The following KDM2B variants were observed in gnomAD, a reference collection of about 807,000 sequenced individuals.
KDM2B encodes lysine demethylase 2B.
Under a neutral mutation model 150.0 loss-of-function variants are expected in KDM2B, and 26 were observed. The observed-to-expected ratio is 0.17, with a 90% CI of 0.13 to 0.24. The LOEUF is 0.24. Among genes scored for constraint, KDM2B ranks in the 10% least tolerant of loss-of-function variants. KDM2B has a pLI of 1.00. For missense variants in KDM2B, 1,265 were observed against 1,816.9 expected (o/e 0.70, Z 5.52); for synonymous variants, 734 against 729.5 (o/e 1.01, Z -0.10).
chr12:121,475,182 C>CTGTGTGTGTGTGTGTGTGTGTGTGTGTG (rs60083867), intron 12 of KDM2B, among the ~76,000 whole-genome samples: 1 of 139,664 alleles, frequency 7.2e-6, no homozygotes, highest in Admixed American at 7.2e-5. Context: ...ACACATGACT[C>CTGTGTGTGTGTGTGTGTGTGTGTGTGTG]TGTGTGTGTG....
In KDM2B at chr12:121,537,052, G is replaced by A. The variant is rs1228188882; in HGVS notation, c.684-2462C>T. Among the ~76,000 whole-genome samples the A allele has an allele frequency of 2.0e-5, 3 of 152,130 alleles. No individual in the cohort carries two copies. Among genetic ancestry groups the A allele is most frequent in the Non-Finnish European group, 4.4e-5 (3 of 67,998 alleles). Reference sequence around the variant, plus strand: ...TCCAGCATCCAGAGGCCCCTCGGGGGGCTGGGGCCGCCTCTTCCAGACCTG... The same window carrying A: ...TCCAGCATCCAGAGGCCCCTCGGGGAGCTGGGGCCGCCTCTTCCAGACCTG... On this transcript the variant is annotated intron_variant, in intron 6 of 22. Coordinates refer to ENST00000377071, the MANE Select transcript of KDM2B (RefSeq NM_032590.5). The surrounding 1 kb of genome is among the most constrained non-coding windows in gnomAD (Gnocchi z 8.7).
In KDM2B at chr12:121,467,639, G is replaced by C. The variant is rs1409978447; in HGVS notation, c.1735-14295C>G. The C allele has an allele frequency of 6.0e-5, 9 of 151,198 alleles. No individual in the cohort carries two copies. The highest frequency in any genetic ancestry group is 5.3e-4 in the Admixed American group (8 of 15,208). The allele number at this position is 151,198 out of a possible 1,614,324, so 9.4% of individuals were successfully genotyped here. A position where few individuals can be genotyped will look rare whatever the true frequency, so the allele number is the denominator to read the frequency against. On this transcript the variant is annotated intron_variant, in intron 12 of 22. Transcript: ENST00000377071. The surrounding 1 kb of genome is among the most constrained non-coding windows in gnomAD (Gnocchi z 5.1). ...CGGCCCGGCCTGGCCCGCGCGCCGC[G>C]GGATGCACATGGGTGGCTGCACGCC...
At chr12:121,519,428 G>A (rs1250082157) in intron 9 of KDM2B, among the ~76,000 whole-genome samples, 1 of 152,174 alleles carries the variant, frequency 6.6e-6, no homozygotes, top group African/African-American at 2.4e-5. Flanking sequence ...TCTGGCTACA[G>A]AATGGAATAT....
intron 4 of KDM2B, among the ~76,000 whole-genome samples, chr12:121,563,137 G>A (rs564993886): frequency 6.6e-6 from 1 of 152,002 alleles, no homozygotes; most frequent in Non-Finnish European, 1.5e-5. Context: ...GGGCAACATA[G>A]CGAGACTCAT....
chr12:121,445,831 GGC>G (rs1876069027), intron 13 of KDM2B, among the ~76,000 whole-genome samples: 2 of 152,194 alleles, frequency 1.3e-5, no homozygotes, highest in African/African-American at 2.4e-5. Flanking sequence ...AAGGAGCAGG[GGC>G]GTGAGCGCAG....
At chr12:121,416,613 G>T in the KDM2B span, 1 of 404,104 alleles carries the variant, frequency 2.5e-6, no homozygotes, top group Non-Finnish European at 4.5e-6. Flanking sequence ...TGACCTGTTT[G>T]TATCATTTTA....
chr12:121,516,454 A>G, intron 9 of KDM2B: 1 of 1,311,488 alleles, frequency 7.6e-7, no homozygotes, highest in South Asian at 1.3e-5. Context: ...AAAAATTTGC[A>G]AAGAATTGAC....
upstream of KDM2B, among the ~76,000 whole-genome samples, chr12:121,581,709 C>G (rs1432811101): frequency 6.6e-6 from 1 of 152,158 alleles, no homozygotes; most frequent in Non-Finnish European, 1.5e-5. Context: ...GGTCATTTTG[C>G]AGATAGGGAA....
chr12:121,481,446 C>T (rs1882124020), intron 12 of KDM2B, among the ~76,000 whole-genome samples: 1 of 150,638 alleles, frequency 6.6e-6, no homozygotes, highest in Non-Finnish European at 1.5e-5. Context: ...TTCAATAGGT[C>T]ACCTAAATTT....
chr12:121,581,098 G>A (rs371760318), upstream of KDM2B: 16 of 711,814 alleles, frequency 2.2e-5, 1 homozygote, highest in East Asian at 1.2e-4. Context: ...CATTCATTCT[G>A]CCCGCCTCTG....
intron 12 of KDM2B, among the ~76,000 whole-genome samples, chr12:121,477,811 C>T (rs1459720701): frequency 6.6e-6 from 1 of 152,096 alleles, no homozygotes. Flanking sequence ...CTCTTGACCT[C>T]GGGTGATCCA....
Position 121,533,299 on chromosome 12 carries a change from GT to G in KDM2B, c.778-341del, listed in dbSNP as rs1311459113. On this transcript the variant is annotated intron_variant, in intron 7 of 22. Coordinates refer to ENST00000377071, the MANE Select transcript of KDM2B (RefSeq NM_032590.5). This position sits in a 1 kb window ranked among gnomAD's most constrained non-coding sequence, Gnocchi z 4.1. ...GGAGAGGAAGGGAATTTCCTAAGTT[GT>G]AAGATAAAATAGCCCAGTAAATAAA... Among the ~76,000 whole-genome samples, 1 of 152,180 alleles carries G rather than the reference GT, an allele frequency of 6.6e-6. No homozygotes were observed. The highest frequency in any genetic ancestry group is 2.4e-5 in the African/African-American group (1 of 41,438).
In KDM2B at chr12:121,537,869, G is replaced by A. The variant is rs1246652539; in HGVS notation, c.684-3279C>T. The stretch of plus-strand genomic sequence containing the variant: ...GCCACCCACACCCGCCCCGCGCAGC[G>A]CCACAAAGGAGGGGGCGCCCGGGCA... On this transcript the variant is annotated intron_variant, in intron 6 of 22. Transcript: ENST00000377071. This position sits in a 1 kb window ranked among gnomAD's most constrained non-coding sequence, Gnocchi z 8.7. 5.3e-5 allele frequency among the ~76,000 whole-genome samples: 8 copies of A among 151,682 alleles called. No homozygotes were observed. The East Asian group carries it at 1.2e-3, about 22-fold the overall frequency.
At chr12:121,535,267 C>T (rs1555308538) in intron 6 of KDM2B, among the ~76,000 whole-genome samples, 1 of 151,424 alleles carries the variant, frequency 6.6e-6, no homozygotes, top group East Asian at 1.9e-4. Context: ...CAATTGATTG[C>T]CAAGTAAGCA....
At position 121,513,277 on chromosome 12, in the gene KDM2B, A is replaced by T. The variant is rs756882369; in HGVS notation, c.1173T>A (p.Ile391=). 1.2e-6 allele frequency: 2 copies of T among 1,613,178 alleles called. No homozygotes were observed. The highest frequency in any genetic ancestry group is 1.7e-6 in the Non-Finnish European group (2 of 1,179,648). ...TQEYQRESML[I]DAPRKPSIDG... ...GTGGGCTCCCTCCGGTTCACTCACC[A>T]ATAAGCATCGACTCCCTCTGGTATT... The change falls in exon 10 of 23, where the codon ATT becomes ATA. Residue 391 remains isoleucine (I), a splice_region_variant and synonymous_variant. Coordinates refer to ENST00000377071, the MANE Select transcript of KDM2B (RefSeq NM_032590.5). This position sits in a 1 kb window ranked among gnomAD's most constrained non-coding sequence, Gnocchi z 5.0.
Position 121,549,771 on chromosome 12 carries a change from A to C in KDM2B, c.398-133T>G. The C allele has an allele frequency of 1.3e-6, 1 of 743,294 alleles. No individual in the cohort carries two copies. The allele number at this position is 743,294 out of a possible 1,614,324, so 46.0% of individuals were successfully genotyped here. A position where few individuals can be genotyped will look rare whatever the true frequency, so the allele number is the denominator to read the frequency against. Reference sequence around the variant, plus strand: ...CCTCACCCCTCTTCCTCATCTGTTCAATTACCTCACCCCATCGGCTTTCCT... The same window carrying C: ...CCTCACCCCTCTTCCTCATCTGTTCCATTACCTCACCCCATCGGCTTTCCT... On this transcript the variant is annotated intron_variant, in intron 4 of 22. Transcript: ENST00000377071. The surrounding 1 kb of genome is among the most constrained non-coding windows in gnomAD (Gnocchi z 4.4).
intron 12 of KDM2B, among the ~76,000 whole-genome samples, chr12:121,485,497 A>G (rs1882654474): frequency 6.6e-6 from 1 of 152,042 alleles, no homozygotes; most frequent in African/African-American, 2.4e-5. Flanking sequence ...CACAGTCACT[A>G]CGCTAAACTG....
rs782415348 is a variant in KDM2B at position 121,430,249 on chromosome 12, T to G, written c.*39A>C. ...CCTCATTTTTGTAAAGTCTCTCCCC[T>G]CCCAGAGCCCGCCCCGTATTTACAT... On this transcript the variant is annotated 3_prime_UTR_variant, in exon 23 of 23. Transcript: ENST00000377071. This position sits in a 1 kb window ranked among gnomAD's most constrained non-coding sequence, Gnocchi z 4.4. The G allele has an allele frequency of 6.3e-7, 1 of 1,593,416 alleles. No individual in the cohort carries two copies. The highest frequency in any genetic ancestry group is 1.7e-5 in the Admixed American group (1 of 59,952).
At chr12:121,483,281 TA>T (rs1211456374) in intron 12 of KDM2B, among the ~76,000 whole-genome samples, 2 of 144,940 alleles carry the variant, frequency 1.4e-5, no homozygotes, top group African/African-American at 5.1e-5. Flanking sequence ...TTTAAAAATA[TA>T]AAAAAAACAC....
Sources: allele counts gnomAD v4.1 joint callset (sites outside exome capture counted in the v4.1 genomes callset), GRCh38; gene constraint gnomAD v4.1.1; non-coding constraint Gnocchi (gnomAD v3.1); transcripts MANE v1.5; gene names NCBI Gene and HGNC (gene_info 2026-07-23, HGNC 2026-07-21).